The following TNKS2 variants were observed in gnomAD, a reference collection of about 807,000 sequenced individuals.
TNKS2 encodes poly [ADP-ribose] polymerase tankyrase-2.
In TNKS2, 72 loss-of-function variants were observed where a neutral mutation model predicts 137.6. The ratio of observed to expected loss-of-function variants is 0.52; its 90% CI spans 0.43 to 0.64. The LOEUF (loss-of-function observed/expected upper bound fraction) is 0.64, where lower values mean the gene tolerates loss of function less well. Among genes scored for constraint, TNKS2 ranks in the 30% least tolerant of loss-of-function variants. The pLI, the probability that TNKS2 is intolerant of heterozygous loss-of-function variation, is 0.00. For missense variants in TNKS2, 1,049 were observed against 1,410.2 expected (o/e 0.74, Z 4.10); for synonymous variants, 516 against 512.1 (o/e 1.01, Z -0.10).
intron 25 of TNKS2, 112 bp downstream of exon 25, chr10:91,859,760 T>C: frequency 3.8e-6 from 3 of 798,494 alleles, no homozygotes; most frequent in Non-Finnish European, 3.9e-6. Context: ...GCTAGGCATG[T>C]TTTAGATTGC....
chr10:91,819,592 C>CCTGGTAACATGAAGATAAAGA (rs1215353554), intron 5 of TNKS2, 35 bp downstream of exon 5: 9 of 1,438,628 alleles, frequency 6.3e-6, no homozygotes, highest in Non-Finnish European at 7.6e-6. Flanking sequence ...GTGCTTATCT[C>CCTGGTAACATGAAGATAAAGA]CTGGTAACAT....
At chr10:91,812,672 A>G (rs1020609255) in intron 1 of TNKS2, 3 of 609,386 alleles carry the variant, frequency 4.9e-6, no homozygotes, top group Non-Finnish European at 6.2e-6. Flanking sequence ...GCAGAACTCT[A>G]TTGTAGAGTG....
chr10:91,813,702 A>G (rs1056399314), intron 2 of TNKS2, among the ~76,000 whole-genome samples: 2 of 152,208 alleles, frequency 1.3e-5, no homozygotes, highest in Non-Finnish European at 2.9e-5. Context: ...TTTTTGAGGA[A>G]GGGAACACTG....
At chr10:91,801,453 G>A (rs10748568) in intron 1 of TNKS2, among the ~76,000 whole-genome samples, 105,859 of 151,638 alleles carry the variant, frequency 0.7, 38,122 homozygotes, top group East Asian at 0.91. Context: ...CCGACCATAC[G>A]CAGATATACA....
At chr10:91,825,244 A>G (rs1845031290) in intron 7 of TNKS2, among the ~76,000 whole-genome samples, 1 of 152,098 alleles carries the variant, frequency 6.6e-6, no homozygotes, top group Admixed American at 6.6e-5. Context: ...CTAAAATTAC[A>G]GGTGTGGTGC....
At chr10:91,829,285 A>T (rs1167994818) in intron 9 of TNKS2, among the ~76,000 whole-genome samples, 4 of 16,802 alleles carry the variant, frequency 2.4e-4, no homozygotes, top group East Asian at 0.017. Context: ...TCTAAATTTA[A>T]AAAAAAAAAA....
Position 91,836,530 on chromosome 10 carries a change from C to G in TNKS2, c.1448-389C>G, listed in dbSNP as rs112025202. The G allele has an allele frequency of 1.4e-3, 845 of 623,486 alleles. 6 individuals carry two copies. The African/African-American group carries it at 0.015, about 11-fold the overall frequency. The allele number at this position is 623,486 out of a possible 1,614,324, so 38.6% of individuals were successfully genotyped here. A position where few individuals can be genotyped will look rare whatever the true frequency, so the allele number is the denominator to read the frequency against. ...AACCAGGAAGTTCCAGTGACTTGTTCCAGTTCAGATAGCTAATTAATGACA... is the reference window on the plus strand; with the variant it reads ...AACCAGGAAGTTCCAGTGACTTGTTGCAGTTCAGATAGCTAATTAATGACA... On this transcript the variant is annotated intron_variant, in intron 12 of 26. Transcript: ENST00000371627.
intron 8 of TNKS2, among the ~76,000 whole-genome samples, chr10:91,827,505 A>G (rs970199521): frequency 2.0e-5 from 3 of 152,038 alleles, no homozygotes; most frequent in African/African-American, 4.8e-5. Context: ...CTTTGATATG[A>G]TTTTTCTGTT....
chr10:91,838,937 G>T (rs189661521), intron 13 of TNKS2, among the ~76,000 whole-genome samples: 8 of 152,148 alleles, frequency 5.3e-5, no homozygotes, highest in African/African-American at 1.4e-4. Flanking sequence ...GCACGATCTC[G>T]GCTCACAGCA....
intron 16 of TNKS2, among the ~76,000 whole-genome samples, 192 bp from the exon 17 acceptor site, chr10:91,844,727 T>C (rs2133659444): frequency 6.6e-6 from 1 of 152,326 alleles, no homozygotes; most frequent in Non-Finnish European, 1.5e-5. Context: ...AAATTGTTAA[T>C]AGAGTCCAAT....
intron 7 of TNKS2, among the ~76,000 whole-genome samples, chr10:91,826,249 G>C (rs1845066638): frequency 6.6e-6 from 1 of 152,160 alleles, no homozygotes; most frequent in South Asian, 2.1e-4. Flanking sequence ...GTTAGGTGTG[G>C]AATTTTCCAC....
At chr10:91,856,076 C>A (rs1842696333) in intron 23 of TNKS2, among the ~76,000 whole-genome samples, 1 of 152,068 alleles carries the variant, frequency 6.6e-6, no homozygotes, top group Non-Finnish European at 1.5e-5. Flanking sequence ...TGATTGACTA[C>A]AGGTTTCTGA....
At chr10:91,855,718 GA>G in intron 23 of TNKS2, 30 bp downstream of exon 23, 1 of 1,541,476 alleles carries the variant, frequency 6.5e-7, no homozygotes, top group Non-Finnish European at 8.9e-7. Flanking sequence ...AAAGTTTTCT[GA>G]GACTGTCGTT....
intron 20 of TNKS2, 129 bp from the exon 21 acceptor site, chr10:91,851,087 A>G (rs1022448201): frequency 1.6e-6 from 2 of 1,259,410 alleles, no homozygotes; most frequent in Admixed American, 2.8e-5. Flanking sequence ...CTAAATGGAA[A>G]TAATATTTTT....
At chr10:91,831,647 G>A (rs1225030135) in intron 11 of TNKS2, among the ~76,000 whole-genome samples, 1 of 152,114 alleles carries the variant, frequency 6.6e-6, no homozygotes, top group African/African-American at 2.4e-5. Context: ...AAACATAATA[G>A]CTCCCCATGT....
rs564867406 is a variant in TNKS2, at chr10:91,861,925, T to C, written c.3282-74T>C. On this transcript the variant is annotated intron_variant, in intron 25 of 26. Transcript: ENST00000371627. ...TGTATAAATAATTTTTTAAAACTTA[T>C]GCCGTGTCCACACATTGTCATATTT... is the stretch of plus-strand genomic sequence containing the variant. 4.5e-4 allele frequency: 604 copies of C among 1,347,344 alleles called. 7 individuals are homozygous for C. The South Asian group carries it at 8.4e-3, about 19-fold the overall frequency. 83.5% of individuals were successfully genotyped at this position (1,347,344 alleles called of 1,614,324 possible).
At chr10:91,826,077 T>A (rs1845058811) in intron 7 of TNKS2, among the ~76,000 whole-genome samples, 1 of 152,244 alleles carries the variant, frequency 6.6e-6, no homozygotes, top group Non-Finnish European at 1.5e-5. Context: ...GATTTGAGAA[T>A]ATTTGCATAT....
chr10:91,862,991 G>C lies in TNKS2; in HGVS notation c.3493G>C (p.Asp1165His). ...YQIMRPEGMVDG is the reference protein window; with the variant it reads ...YQIMRPEGMVHG ...GATTATGAGGCCTGAAGGTATGGTC[G>C]ATGGATAAATAGTTATTTTAAGAAA... is the stretch of plus-strand genomic sequence containing the variant. The change falls in exon 27 of 27, where the codon GAT (aspartate) becomes CAT (histidine). Residue 1165 changes from aspartate (D) to histidine (H), a missense_variant. By Grantham distance (81) the Asp-to-His change is moderately conservative. Coordinates refer to ENST00000371627, the MANE Select transcript of TNKS2 (RefSeq NM_025235.4). The C allele has an allele frequency of 6.2e-7, 1 of 1,600,822 alleles. No homozygotes were observed. The highest frequency in any genetic ancestry group is 8.5e-7 in the Non-Finnish European group (1 of 1,170,054).
chr10:91,807,935 G>A (rs1420034050), intron 1 of TNKS2, among the ~76,000 whole-genome samples: 1 of 150,286 alleles, frequency 6.7e-6, no homozygotes, highest in Admixed American at 6.7e-5. Flanking sequence ...GGCAGAGCTT[G>A]CAGTGAGCTG....
Sources: gnomAD v4.1 joint callset for allele counts (sites outside exome capture counted in the v4.1 genomes callset) on GRCh38, gnomAD v4.1.1 for gene constraint, MANE v1.5 for transcripts, NCBI Gene and HGNC (gene_info 2026-07-23, HGNC 2026-07-21) for gene names.